CYP2C19: variants seen among roughly 807,000 people sequenced by gnomAD.
CYP2C19 encodes the protein cytochrome P450 family 2 subfamily C member 19.
CYP2C19 carries 59 observed loss-of-function variants against 40.9 expected under a neutral mutation model. The observed-to-expected ratio is 1.44, with a 90% CI of 1.17 to 1.79. CYP2C19 has a LOEUF of 1.79. Ranked by LOEUF, CYP2C19 falls within the 40% of genes most tolerant of loss-of-function variation. The probability of loss-of-function intolerance (pLI) is 0.00; values close to 1 mark genes in which losing one functional copy is unlikely to be tolerated. For synonymous variants in CYP2C19, 253 were observed against 208.7 expected, an observed-to-expected ratio of 1.21 and a Z score of -1.83; for missense variants, 754 against 596.9, an observed-to-expected ratio of 1.26 and a Z score of -2.74.
chr10:94,811,856 G>T (rs1343065411), intron 5 of CYP2C19, among the ~76,000 whole-genome samples: 6 of 151,862 alleles, frequency 4.0e-5, no homozygotes, highest in Admixed American at 2.6e-4. Flanking sequence ...CTTTTAATTG[G>T]GGCATTTAGC....
chr10:94,849,766 C>T (rs55958540), intron 7 of CYP2C19, 151 bp from the exon 8 acceptor site: 1 of 949,892 alleles, frequency 1.1e-6, no homozygotes, highest in Non-Finnish European at 1.6e-6. Context: ...CCTCTTATTA[C>T]TTCGTCTATC....
chr10:94,795,567 A>G (rs192070499), intron 5 of CYP2C19, among the ~76,000 whole-genome samples: 1 of 152,128 alleles, frequency 6.6e-6, no homozygotes, highest in African/African-American at 2.4e-5. Flanking sequence ...TATATCCCTG[A>G]GGAATTGCCA....
intron 5 of CYP2C19, among the ~76,000 whole-genome samples, chr10:94,797,848 A>AT (rs1848710113): frequency 6.6e-6 from 1 of 151,916 alleles, no homozygotes; most frequent in African/African-American, 2.4e-5. Context: ...CCCCTTTATC[A>AT]TTTTTTATTA....
intron 8 of CYP2C19, among the ~76,000 whole-genome samples, chr10:94,851,959 T>G (rs58818107): frequency 0.022 from 3,310 of 152,274 alleles, 119 homozygotes; most frequent in African/African-American, 0.074. Flanking sequence ...CTCAGTGAGA[T>G]GAGAAAGAGA....
At chr10:94,820,772 A>T in intron 6 of CYP2C19, 135 bp downstream of exon 6, 2 of 1,118,460 alleles carry the variant, frequency 1.8e-6, no homozygotes, top group Non-Finnish European at 2.6e-6. Flanking sequence ...ATCTGTCCCA[A>T]TTTAATGGTG....
In CYP2C19 at chr10:94,854,126, C is replaced by A. The variant is rs1258929698; in HGVS notation, c.*1212C>A. Among the ~76,000 whole-genome samples, 1 of 151,638 alleles carries A rather than the reference C, an allele frequency of 6.6e-6. No homozygotes were observed. Among genetic ancestry groups the A allele is most frequent in the Non-Finnish European group, 1.5e-5 (1 of 67,950 alleles). On this transcript the variant is annotated 3_prime_UTR_variant, in exon 9 of 9. Coordinates refer to ENST00000371321, the MANE Select transcript of CYP2C19 (RefSeq NM_000769.4). ...CTCCACCTCCTGGATTCAAGTGGTTCTCCTGCCTCAGCCCCCCAAGTAGCT... is the reference window on the plus strand; with the variant it reads ...CTCCACCTCCTGGATTCAAGTGGTTATCCTGCCTCAGCCCCCCAAGTAGCT...
intron 1 of CYP2C19, among the ~76,000 whole-genome samples, chr10:94,770,233 C>T (rs1309209946): frequency 6.6e-6 from 1 of 152,148 alleles, no homozygotes; most frequent in Non-Finnish European, 1.5e-5. Flanking sequence ...TGGTTGGGGG[C>T]TTCTGGCCCA....
intron 3 of CYP2C19, among the ~76,000 whole-genome samples, chr10:94,778,957 T>A (rs7919524): frequency 0.18 from 26,798 of 152,100 alleles, 2,636 homozygotes; most frequent in South Asian, 0.33. Context: ...GTTCATGTCC[T>A]TTGCAGGGAC....
Position 94,780,493 on chromosome 10 carries a change from A to G in CYP2C19, c.482-6A>G, listed in dbSNP as rs776181631. The G allele has an allele frequency of 1.1e-5, 18 of 1,612,898 alleles. No homozygotes were observed. The highest frequency in any genetic ancestry group is 4.2e-6 in the Non-Finnish European group (5 of 1,179,846). ...TCATATTTTAAAATTGTTTCCAATCATTTAGCTTCACCCTGTGATCCCACT... is the reference window on the plus strand; with the variant it reads ...TCATATTTTAAAATTGTTTCCAATCGTTTAGCTTCACCCTGTGATCCCACT... On this transcript the variant is annotated splice_polypyrimidine_tract_variant and splice_region_variant and intron_variant, in intron 3 of 8. Coordinates refer to ENST00000371321, the MANE Select transcript of CYP2C19 (RefSeq NM_000769.4).
chr10:94,841,317 C>G (rs1413984030), intron 6 of CYP2C19, among the ~76,000 whole-genome samples: 1 of 152,176 alleles, frequency 6.6e-6, no homozygotes, highest in African/African-American at 2.4e-5. Flanking sequence ...GCAATGGGAC[C>G]CTCACTGGAT....
At chr10:94,836,863 G>T (rs1206510016) in intron 6 of CYP2C19, among the ~76,000 whole-genome samples, 1 of 152,214 alleles carries the variant, frequency 6.6e-6, no homozygotes, top group East Asian at 1.9e-4. Flanking sequence ...AATCATCCAC[G>T]TACTGAAGGA....
intron 5 of CYP2C19, among the ~76,000 whole-genome samples, chr10:94,804,915 T>C (rs1336920131): frequency 2.0e-5 from 3 of 152,196 alleles, no homozygotes; most frequent in Non-Finnish European, 4.4e-5. Context: ...TAGTTTTTAG[T>C]GTCAGAGTCT....
intron 5 of CYP2C19, among the ~76,000 whole-genome samples, chr10:94,798,447 C>T (rs1431579102): frequency 2.0e-5 from 3 of 152,122 alleles, no homozygotes; most frequent in Non-Finnish European, 4.4e-5. Context: ...CGATGTGGTG[C>T]TGAGAAGAAT....
At chr10:94,768,146 G>T (rs1848273631) in intron 1 of CYP2C19, among the ~76,000 whole-genome samples, 2 of 152,180 alleles carry the variant, frequency 1.3e-5, no homozygotes, top group African/African-American at 4.8e-5. Flanking sequence ...GCATGGGTAT[G>T]TAGGATTAGA....
intron 6 of CYP2C19, among the ~76,000 whole-genome samples, chr10:94,824,616 T>C (rs1204004929): frequency 6.6e-6 from 1 of 152,190 alleles, no homozygotes; most frequent in Non-Finnish European, 1.5e-5. Context: ...AAGACAGTAA[T>C]TTCATGACTA....
intron 5 of CYP2C19, among the ~76,000 whole-genome samples, chr10:94,810,168 C>T (rs753453165): frequency 3.3e-5 from 5 of 152,186 alleles, no homozygotes; most frequent in South Asian, 2.1e-4. Context: ...GCGTGAGCCA[C>T]GTCGCCCGGC....
Position 94,800,219 on chromosome 10 carries a change from T to C in CYP2C19, c.819+18222T>C, listed in dbSNP as rs372355892. Among the ~76,000 whole-genome samples, 70 of 152,350 alleles carry C rather than the reference T, an allele frequency of 4.6e-4. No homozygotes were observed. The East Asian group carries it at 6.0e-3, about 13-fold the overall frequency. The stretch of plus-strand genomic sequence containing the variant: ...ATGTCCTTTTTGTTGATGTTGATGC[T>C]ATTCCTTTCTGTTTGTTAGTTTTTC... On this transcript the variant is annotated intron_variant, in intron 5 of 8. Transcript: ENST00000371321.
intron 6 of CYP2C19, among the ~76,000 whole-genome samples, chr10:94,821,542 G>A (rs1849121617): frequency 6.6e-6 from 1 of 152,154 alleles, no homozygotes; most frequent in Non-Finnish European, 1.5e-5. Flanking sequence ...GGCAGAAGAT[G>A]TACCTGAGAC....
At chr10:94,814,248 C>G (rs1343185947) in intron 5 of CYP2C19, among the ~76,000 whole-genome samples, 2 of 151,846 alleles carry the variant, frequency 1.3e-5, no homozygotes. Context: ...GCCAGCCACC[C>G]TCCTGATTGA....
Sources: gnomAD v4.1 joint callset for allele counts (sites outside exome capture counted in the v4.1 genomes callset) on GRCh38, gnomAD v4.1.1 for gene constraint, MANE v1.5 for transcripts, NCBI Gene and HGNC (gene_info 2026-07-23, HGNC 2026-07-21) for gene names.